Variants in CELSR1 observed in about 807,000 individuals in gnomAD.
CELSR1 encodes the protein adhesion G protein-coupled receptor C1.
CELSR1 carries 110 observed loss-of-function variants against 249.1 expected under a neutral mutation model. The ratio of observed to expected loss-of-function variants is 0.44; its 90% CI spans 0.38 to 0.52. CELSR1 has a LOEUF of 0.52. Ranked by LOEUF, CELSR1 falls within the 20% of genes least tolerant of loss-of-function variation. CELSR1 has a pLI of 0.00. For missense variants in CELSR1, 4,109 were observed against 4,296.4 expected, an observed-to-expected ratio of 0.96 and a Z score of 1.22; for synonymous variants, 2,113 against 1,900.0, an observed-to-expected ratio of 1.11 and a Z score of -2.92.
intron 25 of CELSR1, 76 bp downstream of exon 25, chr22:46,372,807 G>C: frequency 4.7e-6 from 7 of 1,501,710 alleles, no homozygotes; most frequent in Non-Finnish European, 5.4e-6. Context: ...GAAGAGAAAG[G>C]AGGGCAGCGT....
At position 46,433,565 on chromosome 22, in the gene CELSR1, G is replaced by A; in HGVS notation, c.4523-84C>T. 1.9e-6 allele frequency: 2 copies of A among 1,027,176 alleles called. No individual in the cohort carries two copies. The highest frequency in any genetic ancestry group is 2.1e-5 in the Admixed American group (1 of 48,280). The allele number at this position is 1,027,176 out of a possible 1,614,324, so 63.6% of individuals were successfully genotyped here. ...CCGAGGATTGCGCTGTGAGGCATCA[G>A]GGGGAGACAGGTGCACATGGCCACG... On this transcript the variant is annotated intron_variant, in intron 4 of 34. Coordinates refer to ENST00000674500, the MANE Select transcript of CELSR1 (RefSeq NM_001378328.1). This position sits in a 1 kb window ranked among gnomAD's most constrained non-coding sequence, Gnocchi z 5.7.
At chr22:46,415,942 T>C (rs1336825048) in intron 5 of CELSR1, among the ~76,000 whole-genome samples, 2 of 152,210 alleles carry the variant, frequency 1.3e-5, no homozygotes, top group Admixed American at 6.5e-5. Flanking sequence ...GCGTCTCCGC[T>C]GAAAGGCCGG....
In CELSR1 at chr22:46,398,893, C is replaced by T. The variant is rs900896813; in HGVS notation, c.5413-256G>A. On this transcript the variant is annotated intron_variant, in intron 10 of 34. Coordinates refer to ENST00000674500, the MANE Select transcript of CELSR1 (RefSeq NM_001378328.1). This position sits in a 1 kb window ranked among gnomAD's most constrained non-coding sequence, Gnocchi z 7.2. ...TAGCTGAGGCGGCCAGTGGGGTCAACGTGGGCAACTGTCCCGCCTCCGTCA... is the reference window on the plus strand; with the variant it reads ...TAGCTGAGGCGGCCAGTGGGGTCAATGTGGGCAACTGTCCCGCCTCCGTCA... 1.3e-5 allele frequency among the ~76,000 whole-genome samples: 2 copies of T among 152,196 alleles called. No homozygotes were observed. The highest frequency in any genetic ancestry group is 6.5e-5 in the Admixed American group (1 of 15,274).
chr22:46,526,150 G>T lies in CELSR1; in HGVS notation c.3544+7477C>A, dbSNP rs776351970. Among the ~76,000 whole-genome samples, 4 of 152,158 alleles carry T rather than the reference G, an allele frequency of 2.6e-5. No homozygotes were observed. The South Asian group carries it at 8.3e-4, about 31-fold the overall frequency. On this transcript the variant is annotated intron_variant, in intron 1 of 34. Transcript: ENST00000674500. The surrounding 1 kb of genome is among the most constrained non-coding windows in gnomAD (Gnocchi z 4.7). ...CCTGTGGCCCCTTCCATTCTCCCAG[G>T]CCCCTTTTTCCCGTCCGCCTCCTGC... is the stretch of plus-strand genomic sequence containing the variant.
At chr22:46,383,738 C>T (rs2079003579) in intron 20 of CELSR1, among the ~76,000 whole-genome samples, 1 of 152,020 alleles carries the variant, frequency 6.6e-6, no homozygotes, top group Admixed American at 6.6e-5. Context: ...TCTATGTTGC[C>T]CAGGTTGGTT....
intron 1 of CELSR1, among the ~76,000 whole-genome samples, chr22:46,480,267 T>C (rs2080253497): frequency 6.6e-6 from 1 of 152,216 alleles, no homozygotes; most frequent in South Asian, 2.1e-4. Context: ...GTCTCCAAGC[T>C]GTGGTAGACG....
In CELSR1 at chr22:46,445,737, G is replaced by A. The variant is rs779171529; in HGVS notation, c.4184-6326C>T. ...CTAGCCTCTGCAAACCCGGTGCCCC[G>A]AGAGCAGCAGCGCCTGGCTGGCAGA... On this transcript the variant is annotated intron_variant, in intron 2 of 34. Transcript: ENST00000674500. The surrounding 1 kb of genome is among the most constrained non-coding windows in gnomAD (Gnocchi z 4.4). 2.7e-4 allele frequency among the ~76,000 whole-genome samples: 41 copies of A among 152,190 alleles called. No homozygotes were observed. The highest frequency in any genetic ancestry group is 4.4e-4 in the Non-Finnish European group (30 of 68,030).
At chr22:46,376,135 G>GT (rs1294128300) in intron 24 of CELSR1, among the ~76,000 whole-genome samples, 1 of 152,052 alleles carries the variant, frequency 6.6e-6, no homozygotes, top group African/African-American at 2.4e-5. Context: ...CTGTTCAAAG[G>GT]TTTTTCTTTC....
intron 1 of CELSR1, among the ~76,000 whole-genome samples, chr22:46,519,047 C>A (rs1410918487): frequency 6.6e-6 from 1 of 151,458 alleles, no homozygotes; most frequent in Non-Finnish European, 1.5e-5. Context: ...AAAAAAAACA[C>A]CAACATAAAG....
At position 46,516,514 on chromosome 22, in the gene CELSR1, T is replaced by A. The variant is rs1323303739; in HGVS notation, c.3544+17113A>T. Among the ~76,000 whole-genome samples, 13 of 152,134 alleles carry A rather than the reference T, an allele frequency of 8.5e-5. No individual in the cohort carries two copies. In the East Asian group the frequency reaches 2.5e-3, roughly 29 times the overall value. ...CGGTTTTGGGGGGTTTTTTAAAATT[T>A]TTTTTTATAGACACAGGGTCTCGCC... On this transcript the variant is annotated intron_variant, in intron 1 of 34. Coordinates refer to ENST00000674500, the MANE Select transcript of CELSR1 (RefSeq NM_001378328.1).
At chr22:46,519,160 G>A (rs2080659613) in intron 1 of CELSR1, among the ~76,000 whole-genome samples, 1 of 152,172 alleles carries the variant, frequency 6.6e-6, no homozygotes, top group South Asian at 2.1e-4. Flanking sequence ...GGCTGCCAGA[G>A]GGTACAGGCT....
intron 2 of CELSR1, among the ~76,000 whole-genome samples, chr22:46,459,055 G>GA (rs1602165392): frequency 6.6e-6 from 1 of 151,810 alleles, no homozygotes; most frequent in Admixed American, 6.6e-5. Context: ...ACCACACCTG[G>GA]TTTTTTGTAT....
chr22:46,380,902 C>T lies in CELSR1; in HGVS notation c.7142G>A (p.Ser2381Asn). The T allele has an allele frequency of 1.2e-6, 2 of 1,613,616 alleles. No individual in the cohort carries two copies. Among genetic ancestry groups the T allele is most frequent in the Non-Finnish European group, 1.7e-6 (2 of 1,179,954 alleles). ...NTPMVSTLVY[S>N]EGAPLPRPLE... ...GGGTCTCGGGAGCGGAGCCCCCTCG[C>T]TGTACACCAGCGTGCTCACCATCGG... The change falls in exon 22 of 35, where the codon AGC becomes AAC. Residue 2381 changes from serine to asparagine, a missense_variant. Ser to Asn is a conservative substitution (Grantham distance 46, BLOSUM62 1). This residue lies in a region of CELSR1 where 1,805 missense variants were observed against 1,831.6 expected (regional missense o/e 0.99). Coordinates refer to ENST00000674500, the MANE Select transcript of CELSR1 (RefSeq NM_001378328.1). The surrounding 1 kb of genome is among the most constrained non-coding windows in gnomAD (Gnocchi z 5.1).
intron 27 of CELSR1, 125 bp from the exon 28 acceptor site, chr22:46,367,980 C>T (rs1012718224): frequency 7.6e-6 from 10 of 1,317,596 alleles, no homozygotes; most frequent in African/African-American, 1.5e-5. Flanking sequence ...GTCCACCTGT[C>T]CACCCAGCCA....
At chr22:46,386,761 GT>G (rs377492242) in intron 18 of CELSR1, among the ~76,000 whole-genome samples, 176 bp from the exon 19 acceptor site, 2,703 of 150,826 alleles carry the variant, frequency 0.018, 81 homozygotes, top group African/African-American at 0.061. Flanking sequence ...TGTTTTTTGT[GT>G]TTTTTTTTGA....
chr22:46,386,793 G>C (rs191973893), intron 18 of CELSR1, among the ~76,000 whole-genome samples: 1 of 151,834 alleles, frequency 6.6e-6, no homozygotes, highest in South Asian at 2.1e-4. Flanking sequence ...CGCTCTTGTC[G>C]CCCAGGCTGG....
rs1161280366 is a variant in CELSR1, at chr22:46,381,039, C to T, written c.7089-84G>A. The T allele has an allele frequency of 1.5e-5, 21 of 1,393,194 alleles. No homozygotes were observed. The East Asian group carries it at 1.7e-4, about 11-fold the overall frequency. The allele number at this position is 1,393,194 out of a possible 1,614,324, so 86.3% of individuals were successfully genotyped here. The stretch of plus-strand genomic sequence containing the variant: ...CCCGCGCACAAATGCCCTGAGGACA[C>T]GCCATGATGTGTTTCTAGGGGAGAC... On this transcript the variant is annotated intron_variant, in intron 21 of 34. Coordinates refer to ENST00000674500, the MANE Select transcript of CELSR1 (RefSeq NM_001378328.1). This position sits in a 1 kb window ranked among gnomAD's most constrained non-coding sequence, Gnocchi z 6.0.
intron 32 of CELSR1, among the ~76,000 whole-genome samples, 160 bp downstream of exon 32, chr22:46,365,071 G>A (rs748717339): frequency 2.6e-4 from 40 of 152,200 alleles, no homozygotes; most frequent in Non-Finnish European, 5.0e-4. Flanking sequence ...CAGAGGCTGT[G>A]GGGGAGCCCA....
intron 1 of CELSR1, among the ~76,000 whole-genome samples, chr22:46,519,350 C>A (rs1854505018): frequency 6.6e-6 from 1 of 152,240 alleles, no homozygotes; most frequent in Non-Finnish European, 1.5e-5. Context: ...TTCAGTGTAT[C>A]CAAATGCTGA....
Sources: gnomAD v4.1 joint callset for allele counts (sites outside exome capture counted in the v4.1 genomes callset) on GRCh38, gnomAD v4.1.1 for gene constraint, gnomAD v4.1.1 regional missense constraint, Gnocchi (gnomAD v3.1) non-coding constraint, MANE v1.5 for transcripts, NCBI Gene and HGNC (gene_info 2026-07-23, HGNC 2026-07-21) for gene names.